Variants in MYH15 observed in about 807,000 individuals in gnomAD.
MYH15 encodes the protein myosin heavy chain 15.
A neutral mutation model predicts 240.5 loss-of-function variants in MYH15; 227 were observed. The observed-to-expected ratio is 0.94, with a 90% confidence interval of 0.85 to 1.05. The LOEUF (loss-of-function observed/expected upper bound fraction) is 1.05, where lower values mean the gene tolerates loss of function less well. Ranked by LOEUF, MYH15 falls within the 50% of genes least tolerant of loss-of-function variation. MYH15 has a pLI of 0.00. For missense variants in MYH15, 2,217 were observed against 2,247.5 expected, an observed-to-expected ratio of 0.99 and a Z score of 0.27; for synonymous variants, 785 against 796.7, an observed-to-expected ratio of 0.99 and a Z score of 0.25.
At chr3:108,473,529 G>A (rs1483407384) in intron 12 of MYH15, among the ~76,000 whole-genome samples, 1 of 151,990 alleles carries the variant, frequency 6.6e-6, no homozygotes, top group East Asian at 1.9e-4. Context: ...CTTACTAGTT[G>A]TGTCACCTTG....
the MYH15 span, among the ~76,000 whole-genome samples, chr3:108,539,946 T>G: frequency 5.3e-5 from 8 of 152,230 alleles, no homozygotes; most frequent in East Asian, 1.5e-3. Context: ...ACTCTTCTTT[T>G]TAAAGCTAGA....
intron 29 of MYH15, among the ~76,000 whole-genome samples, chr3:108,414,653 G>C (rs1226670930): frequency 6.6e-6 from 1 of 152,188 alleles, no homozygotes; most frequent in Non-Finnish European, 1.5e-5. Flanking sequence ...TCTATTTAGA[G>C]AAATGCCAGC....
chr3:108,442,001 C>A (rs1226269204), intron 22 of MYH15, among the ~76,000 whole-genome samples: 1 of 152,210 alleles, frequency 6.6e-6, no homozygotes, highest in Admixed American at 6.5e-5. Context: ...TACTACAGAG[C>A]ACCTTTCATA....
chr3:108,399,000 T>G, intron 34 of MYH15, 75 bp downstream of exon 34: 1 of 1,510,694 alleles, frequency 6.6e-7, no homozygotes, highest in Non-Finnish European at 9.1e-7. Context: ...CTGAACACAA[T>G]CTGTTGCTTA....
intron 18 of MYH15, 37 bp from the exon 19 acceptor site, chr3:108,456,920 G>GAA: frequency 6.9e-7 from 1 of 1,457,528 alleles, no homozygotes; most frequent in Non-Finnish European, 9.5e-7. Context: ...ATCTGTGCCT[G>GAA]AAAAAAAATT....
At chr3:108,497,561 C>T (rs1321037239) in intron 6 of MYH15, among the ~76,000 whole-genome samples, 4 of 151,752 alleles carry the variant, frequency 2.6e-5, no homozygotes, top group Admixed American at 2.0e-4. Flanking sequence ...ATAGGGAAGG[C>T]AAAGTTTTTC....
intron 15 of MYH15, 134 bp from the exon 16 acceptor site, chr3:108,463,377 T>G: frequency 1.0e-6 from 1 of 956,190 alleles, no homozygotes; most frequent in Non-Finnish European, 1.5e-6. Flanking sequence ...TGCAGTGGCA[T>G]AGTCACAGTT....
chr3:108,542,539 CATTT>C, the MYH15 span, among the ~76,000 whole-genome samples: 1 of 152,130 alleles, frequency 6.6e-6, no homozygotes, highest in African/African-American at 2.4e-5. Context: ...CTTCATAGCT[CATTT>C]ATTTTTAGCA....
At chr3:108,414,644 C>T (rs2082620525) in intron 29 of MYH15, among the ~76,000 whole-genome samples, 1 of 152,148 alleles carries the variant, frequency 6.6e-6, no homozygotes, top group Admixed American at 6.5e-5. Flanking sequence ...GAAGGGAATT[C>T]TATTTAGAGA....
At chr3:108,527,505 T>TA (rs2083682070) in intron 1 of MYH15, among the ~76,000 whole-genome samples, 1 of 152,188 alleles carries the variant, frequency 6.6e-6, no homozygotes, top group Non-Finnish European at 1.5e-5. Flanking sequence ...AGACAATTTA[T>TA]GTTATTCTAA....
intron 1 of MYH15, among the ~76,000 whole-genome samples, chr3:108,509,142 T>C (rs998637937): frequency 3.9e-5 from 6 of 152,198 alleles, no homozygotes; most frequent in Non-Finnish European, 5.9e-5. Flanking sequence ...GCAAACTCCA[T>C]TGTCTACCAG....
chr3:108,431,463 CT>C (rs1314343072), intron 25 of MYH15, among the ~76,000 whole-genome samples: 1 of 152,210 alleles, frequency 6.6e-6, no homozygotes, highest in East Asian at 1.9e-4. Flanking sequence ...CACAAGTTCT[CT>C]CTTTTTGCCT....
chr3:108,535,200 T>C, the MYH15 span, among the ~76,000 whole-genome samples: 2 of 152,178 alleles, frequency 1.3e-5, no homozygotes, highest in African/African-American at 4.8e-5. Flanking sequence ...TTAGAAACTC[T>C]GAGTATGGGT....
intron 27 of MYH15, among the ~76,000 whole-genome samples, chr3:108,425,836 G>A (rs1291509225): frequency 6.6e-6 from 1 of 152,184 alleles, no homozygotes; most frequent in Non-Finnish European, 1.5e-5. Flanking sequence ...TAGTTGGATG[G>A]CTGTGATTAC....
upstream of MYH15, among the ~76,000 whole-genome samples, chr3:108,530,668 T>C (rs2107280384): frequency 6.6e-6 from 1 of 152,274 alleles, no homozygotes; most frequent in Admixed American, 6.5e-5. Flanking sequence ...TATGCATGTG[T>C]AGGGACAGGG....
rs1459360487 is a variant in MYH15, at chr3:108,416,933, A to G, written c.3830-3T>C. On this transcript the variant is annotated splice_region_variant and splice_polypyrimidine_tract_variant and intron_variant, in intron 28 of 40. Transcript: ENST00000693548. ...TTCAAGCCTCCGTAGGAACTCGCCT[A>G]CAGAAAGATTTCACAAAACTACATA... 1 of 1,602,904 alleles carries G rather than the reference A, an allele frequency of 6.2e-7. No individual in the cohort carries two copies. The highest frequency in any genetic ancestry group is 1.3e-5 in the African/African-American group (1 of 74,510).
intron 8 of MYH15, 70 bp downstream of exon 8, chr3:108,493,044 A>AGGAAGGAG: frequency 8.0e-7 from 1 of 1,249,456 alleles, no homozygotes; most frequent in Non-Finnish European, 1.2e-6. Context: ...GAAGGAAGGA[A>AGGAAGGAG]GGAAAGAGAA....
intron 28 of MYH15, among the ~76,000 whole-genome samples, chr3:108,417,662 G>A (rs949286452): frequency 5.3e-5 from 8 of 151,598 alleles, no homozygotes; most frequent in African/African-American, 1.5e-4. Flanking sequence ...AATTATAGTC[G>A]GGCCTTCCAT....
At chr3:108,505,878 G>C (rs769456752) in intron 1 of MYH15, 49 bp from the exon 2 acceptor site, 1 of 1,233,104 alleles carries the variant, frequency 8.1e-7, no homozygotes, top group South Asian at 1.3e-5. Flanking sequence ...AGTACTTACA[G>C]AAATACATAC....
Sources: allele counts gnomAD v4.1 joint callset (sites outside exome capture counted in the v4.1 genomes callset), GRCh38; gene constraint gnomAD v4.1.1; transcripts MANE v1.5; gene names NCBI Gene and HGNC (gene_info 2026-07-23, HGNC 2026-07-21).